Variants in AIG1 observed in about 807,000 individuals in gnomAD.
AIG1 encodes androgen induced 1, also known as androgen-induced gene 1 protein.
In AIG1, 23 loss-of-function variants were observed where a neutral mutation model predicts 31.4. That is an observed-to-expected ratio of 0.73 (90% CI 0.53 to 1.04). The LOEUF (loss-of-function observed/expected upper bound fraction) is 1.04. Among genes scored for constraint, AIG1 ranks in the 50% least tolerant of loss-of-function variants. The pLI is 0.00. For synonymous variants in AIG1, 100 were observed against 110.5 expected (o/e 0.90, Z 0.60); for missense variants, 274 against 295.0 (o/e 0.93, Z 0.52).
chr6:143,093,497 A>G (rs1345002746), intron 1 of AIG1, among the ~76,000 whole-genome samples: 3 of 152,232 alleles, frequency 2.0e-5, no homozygotes, highest in Non-Finnish European at 4.4e-5. Flanking sequence ...CGTGTCAGCA[A>G]TAAGGCTGTT....
intron 3 of AIG1, among the ~76,000 whole-genome samples, chr6:143,255,426 C>A (rs1795311343): frequency 6.6e-6 from 1 of 152,148 alleles, no homozygotes. Flanking sequence ...CTCCTCCTGT[C>A]CTCATGTGGC....
At chr6:143,294,249 C>T (rs1798267330) in intron 4 of AIG1, among the ~76,000 whole-genome samples, 2 of 152,184 alleles carry the variant, frequency 1.3e-5, no homozygotes, top group South Asian at 4.1e-4. Context: ...TCCTAGTCTC[C>T]ACCTTACAAC....
At chr6:143,316,607 A>G (rs1366520595) in intron 4 of AIG1, among the ~76,000 whole-genome samples, 3 of 152,158 alleles carry the variant, frequency 2.0e-5, no homozygotes, top group Admixed American at 2.0e-4. Context: ...AGAAAGAAGA[A>G]CAAACCAACC....
chr6:143,165,994 G>A (rs1786900647), intron 3 of AIG1, among the ~76,000 whole-genome samples: 1 of 152,124 alleles, frequency 6.6e-6, no homozygotes, highest in Admixed American at 6.6e-5. Context: ...GGGTGTTCCT[G>A]GTGAAAAGGG....
chr6:143,127,467 A>G (rs962176119), intron 1 of AIG1, among the ~76,000 whole-genome samples: 3 of 152,234 alleles, frequency 2.0e-5, no homozygotes, highest in African/African-American at 7.2e-5. Flanking sequence ...CAAAATGTGG[A>G]ACACCTTGAC....
chr6:143,235,023 A>G (rs188714989), intron 3 of AIG1, among the ~76,000 whole-genome samples: 31 of 152,302 alleles, frequency 2.0e-4, no homozygotes, highest in African/African-American at 6.7e-4. Flanking sequence ...ATAGCCCTGC[A>G]TGCATGCATG....
intron 3 of AIG1, among the ~76,000 whole-genome samples, chr6:143,244,437 GT>G (rs1794468802): frequency 6.6e-6 from 1 of 152,206 alleles, no homozygotes; most frequent in Non-Finnish European, 1.5e-5. Flanking sequence ...AAAAATCCCA[GT>G]CTAAGGTATG....
At chr6:143,139,831 T>C (rs1784101426) in intron 2 of AIG1, among the ~76,000 whole-genome samples, 1 of 152,190 alleles carries the variant, frequency 6.6e-6, no homozygotes, top group Non-Finnish European at 1.5e-5. Context: ...GACTTCTCAC[T>C]CTAATACACA....
In AIG1 at chr6:143,233,950, G is replaced by C. The variant is rs555205366; in HGVS notation, c.400-50160G>C. 1.6e-3 allele frequency among the ~76,000 whole-genome samples: 251 copies of C among 152,334 alleles called. 2 individuals carry two copies. Among genetic ancestry groups the C allele is most frequent in the African/African-American group, 5.6e-3 (234 of 41,572 alleles). ...CTCTAGCATGCACATAGTTTGCCAA[G>C]TTAGTAAATTATTAGAAAGTCTTTT... On this transcript the variant is annotated intron_variant, in intron 3 of 5. Transcript: ENST00000357847.
intron 3 of AIG1, among the ~76,000 whole-genome samples, chr6:143,243,516 A>G (rs771564146): frequency 6.6e-6 from 1 of 152,184 alleles, no homozygotes; most frequent in Non-Finnish European, 1.5e-5. Context: ...AAATAACCCA[A>G]TAAAGTATCA....
At chr6:143,255,509 G>A (rs1194088108) in intron 3 of AIG1, among the ~76,000 whole-genome samples, 1 of 152,078 alleles carries the variant, frequency 6.6e-6, no homozygotes, top group Non-Finnish European at 1.5e-5. Context: ...TTGCATTAGG[G>A]CCCCACTCTT....
chr6:143,320,847 G>A (rs1342302260), intron 4 of AIG1, among the ~76,000 whole-genome samples: 1 of 143,490 alleles, frequency 7.0e-6, no homozygotes, highest in Non-Finnish European at 1.5e-5. Context: ...TTGAGAAGGA[G>A]TTTCGCTCTT....
At chr6:143,185,793 G>A (rs1308744181) in intron 3 of AIG1, among the ~76,000 whole-genome samples, 1 of 152,020 alleles carries the variant, frequency 6.6e-6, no homozygotes, top group African/African-American at 2.4e-5. Context: ...AATGGTTGAG[G>A]GAATGAACTT....
At chr6:143,163,910 T>C (rs970396877) in intron 2 of AIG1, among the ~76,000 whole-genome samples, 2 of 152,142 alleles carry the variant, frequency 1.3e-5, no homozygotes, top group Admixed American at 6.6e-5. Flanking sequence ...CCCTGTTACA[T>C]GTCTCAGGCA....
rs1324464832 is a variant in AIG1, at chr6:143,327,237, A to G, written c.516-6045A>G. The G allele has an allele frequency of 1.6e-5, 3 of 190,418 alleles. No homozygotes were observed. Among genetic ancestry groups the G allele is most frequent in the South Asian group, 2.1e-4 (2 of 9,666 alleles). The allele number at this position is 190,418 out of a possible 1,614,324, so 11.8% of individuals were successfully genotyped here. A position where few individuals can be genotyped will look rare whatever the true frequency, so the allele number is the denominator to read the frequency against. ...ATAAGACAAGCTAATGGATTGGACA[A>G]TCGCTACACTCTTCCTTTCCAACTT... On this transcript the variant is annotated intron_variant, in intron 4 of 5. Coordinates refer to ENST00000357847, the MANE Select transcript of AIG1 (RefSeq NM_016108.4). This position sits in a 1 kb window ranked among gnomAD's most constrained non-coding sequence, Gnocchi z 5.3.
At chr6:143,086,394 C>G (rs546142034) in intron 1 of AIG1, among the ~76,000 whole-genome samples, 62 of 143,820 alleles carry the variant, frequency 4.3e-4, no homozygotes, top group Admixed American at 2.5e-3. Flanking sequence ...CACCCCCTGC[C>G]TCTCTTTCCC....
At chr6:143,125,642 C>T (rs961128307) in intron 1 of AIG1, among the ~76,000 whole-genome samples, 2 of 152,148 alleles carry the variant, frequency 1.3e-5, no homozygotes, top group Non-Finnish European at 2.9e-5. Context: ...TGGGGAGGTC[C>T]CTGCTGTGTG....
intron 3 of AIG1, among the ~76,000 whole-genome samples, chr6:143,257,831 T>C (rs1795473449): frequency 1.3e-5 from 2 of 152,206 alleles, no homozygotes; most frequent in Admixed American, 6.5e-5. Flanking sequence ...TCATGAGTTC[T>C]AATTCTCACT....
intron 3 of AIG1, among the ~76,000 whole-genome samples, chr6:143,216,462 C>T (rs1481357792): frequency 6.6e-6 from 1 of 152,178 alleles, no homozygotes; most frequent in African/African-American, 2.4e-5. Context: ...TATGACAAAA[C>T]TTTCAGGCTG....
Sources: allele counts gnomAD v4.1 joint callset (sites outside exome capture counted in the v4.1 genomes callset), GRCh38; gene constraint gnomAD v4.1.1; non-coding constraint Gnocchi (gnomAD v3.1); transcripts MANE v1.5; gene names NCBI Gene and HGNC (gene_info 2026-07-23, HGNC 2026-07-21).